Variants in KCNQ5 observed in about 807,000 individuals in gnomAD.
The protein encoded by KCNQ5 is potassium voltage-gated channel subfamily Q member 5, also known as potassium voltage-gated channel subfamily KQT member 5.
KCNQ5 carries 30 observed loss-of-function variants against 98.2 expected under a neutral mutation model. The ratio of observed to expected loss-of-function variants is 0.31; its 90% CI spans 0.23 to 0.41. KCNQ5 has a LOEUF of 0.41. KCNQ5 is among the 10% of genes least tolerant of loss of function. The probability of loss-of-function intolerance (pLI) is 1.00; values close to 1 mark genes in which losing one functional copy is unlikely to be tolerated. For missense variants in KCNQ5, 835 were observed against 1,182.5 expected (o/e 0.71, Z 4.31); for synonymous variants, 458 against 449.4 (o/e 1.02, Z -0.24).
Position 72,735,113 on chromosome 6 carries a change from C to G in KCNQ5, c.398+112526C>G, listed in dbSNP as rs951862261. Among the ~76,000 whole-genome samples the G allele has an allele frequency of 2.6e-5, 4 of 152,128 alleles. No individual in the cohort carries two copies. In the East Asian group the frequency reaches 7.7e-4, roughly 29 times the overall value. ...ACATACTGGAAAAAAATTCAAGATG[C>G]AAGGCTTGCTGTTGGATAACTTGGT... is the stretch of plus-strand genomic sequence containing the variant. On this transcript the variant is annotated intron_variant, in intron 1 of 13. Transcript: ENST00000370398.
intron 1 of KCNQ5, among the ~76,000 whole-genome samples, chr6:72,627,977 G>A (rs2098918844): frequency 1.3e-5 from 2 of 152,180 alleles, no homozygotes; most frequent in Admixed American, 1.3e-4. Context: ...CTCTACCAAT[G>A]TCATTATAAT....
intron 1 of KCNQ5, among the ~76,000 whole-genome samples, chr6:72,986,003 G>A (rs929217193): frequency 2.9e-4 from 44 of 152,162 alleles, no homozygotes; most frequent in Admixed American, 9.2e-4. Context: ...GGCCAAGGCA[G>A]GTGAATCATG....
intron 1 of KCNQ5, among the ~76,000 whole-genome samples, chr6:72,664,392 C>T (rs1582074909): frequency 6.6e-6 from 1 of 151,996 alleles, no homozygotes; most frequent in Admixed American, 6.6e-5. Context: ...GGTGGCTCAT[C>T]CCTGTAATCC....
intron 9 of KCNQ5, among the ~76,000 whole-genome samples, chr6:73,127,873 G>A (rs1456774746): frequency 6.6e-6 from 1 of 152,118 alleles, no homozygotes; most frequent in Non-Finnish European, 1.5e-5. Context: ...GACCAGCCTG[G>A]CCAACATATT....
intron 5 of KCNQ5, among the ~76,000 whole-genome samples, chr6:73,104,659 C>A (rs1384457034): frequency 1.3e-5 from 2 of 152,150 alleles, no homozygotes; most frequent in African/African-American, 4.8e-5. Context: ...GCTCCCTCAA[C>A]ACCTCAAGCT....
chr6:73,096,578 A>G (rs985408136), intron 5 of KCNQ5, among the ~76,000 whole-genome samples: 1 of 152,194 alleles, frequency 6.6e-6, no homozygotes, highest in Non-Finnish European at 1.5e-5. Context: ...TAGCTTTAGC[A>G]TATCTAGTTA....
At chr6:72,953,214 C>G (rs563397274) in intron 1 of KCNQ5, among the ~76,000 whole-genome samples, 1 of 152,340 alleles carries the variant, frequency 6.6e-6, no homozygotes, top group East Asian at 1.9e-4. Flanking sequence ...TCTGGACACA[C>G]ATTTTATCCA....
At chr6:73,106,371 A>G (rs139401426) in intron 6 of KCNQ5, among the ~76,000 whole-genome samples, 1 of 152,314 alleles carries the variant, frequency 6.6e-6, no homozygotes, top group East Asian at 1.9e-4. Context: ...TCTTTGTCAC[A>G]TACTAACTAT....
chr6:73,100,406 C>T (rs1774719332), intron 5 of KCNQ5, among the ~76,000 whole-genome samples: 1 of 152,152 alleles, frequency 6.6e-6, no homozygotes, highest in African/African-American at 2.4e-5. Flanking sequence ...GTGGCTCACG[C>T]CTGTAATCCC....
At chr6:72,709,515 G>A (rs1582149640) in intron 1 of KCNQ5, among the ~76,000 whole-genome samples, 1 of 152,296 alleles carries the variant, frequency 6.6e-6, no homozygotes, top group East Asian at 1.9e-4. Context: ...TGCTTAAACT[G>A]AGGGTATACC....
chr6:72,987,206 GA>G, intron 1 of KCNQ5: 1 of 688,622 alleles, frequency 1.5e-6, no homozygotes, highest in South Asian at 1.4e-5. Flanking sequence ...AGCCGGCTCT[GA>G]AAAGGAAGAA....
At position 72,622,593 on chromosome 6, in the gene KCNQ5, T is replaced by C; in HGVS notation, c.398+6T>C. The C allele has an allele frequency of 6.2e-7, 1 of 1,611,554 alleles. No individual in the cohort carries two copies. The highest frequency in any genetic ancestry group is 8.5e-7 in the Non-Finnish European group (1 of 1,179,110). ...TTCATCTACCACGCTTTCGTGTGAGTACCCGCGCCCCCTGCTATGCCCGCT... is the reference window on the plus strand; with the variant it reads ...TTCATCTACCACGCTTTCGTGTGAGCACCCGCGCCCCCTGCTATGCCCGCT... On this transcript the variant is annotated splice_donor_region_variant and intron_variant, in intron 1 of 13. Coordinates refer to ENST00000370398, the MANE Select transcript of KCNQ5 (RefSeq NM_019842.4). The surrounding 1 kb of genome is among the most constrained non-coding windows in gnomAD (Gnocchi z 6.0).
intron 2 of KCNQ5, among the ~76,000 whole-genome samples, chr6:73,032,676 A>G (rs1033129667): frequency 6.6e-6 from 1 of 152,190 alleles, no homozygotes; most frequent in Non-Finnish European, 1.5e-5. Context: ...AACAGAATAC[A>G]TATCTGGGTC....
intron 1 of KCNQ5, among the ~76,000 whole-genome samples, chr6:72,817,052 A>T (rs1234074040): frequency 1.3e-5 from 2 of 152,204 alleles, no homozygotes. Flanking sequence ...TGTCAATGTG[A>T]GTAAGAATTG....
intron 1 of KCNQ5, among the ~76,000 whole-genome samples, chr6:72,812,355 G>T (rs1775284962): frequency 6.6e-6 from 1 of 152,212 alleles, no homozygotes; most frequent in Non-Finnish European, 1.5e-5. Flanking sequence ...TGGTTTGAAT[G>T]CCTCTGACAC....
intron 1 of KCNQ5, among the ~76,000 whole-genome samples, chr6:72,639,915 A>G (rs1013749138): frequency 5.9e-5 from 9 of 152,134 alleles, no homozygotes; most frequent in Non-Finnish European, 1.2e-4. Context: ...GAGAATAACA[A>G]GATCCTGGAG....
intron 1 of KCNQ5, among the ~76,000 whole-genome samples, chr6:72,655,619 C>G (rs1766150980): frequency 6.6e-6 from 1 of 152,014 alleles, no homozygotes; most frequent in Non-Finnish European, 1.5e-5. Context: ...AATTATTGTC[C>G]TGTTGACTGA....
At chr6:72,732,951 G>A (rs1770631635) in intron 1 of KCNQ5, among the ~76,000 whole-genome samples, 1 of 152,132 alleles carries the variant, frequency 6.6e-6, no homozygotes, top group Non-Finnish European at 1.5e-5. Flanking sequence ...GTCTGTCCTG[G>A]ACAACTATGT....
At chr6:72,929,548 A>G (rs1765597546) in intron 1 of KCNQ5, among the ~76,000 whole-genome samples, 1 of 152,198 alleles carries the variant, frequency 6.6e-6, no homozygotes, top group Non-Finnish European at 1.5e-5. Flanking sequence ...AAAATTGTCA[A>G]TTTATAAGCT....
Sources: gnomAD v4.1 joint callset for allele counts (sites outside exome capture counted in the v4.1 genomes callset) on GRCh38, gnomAD v4.1.1 for gene constraint, Gnocchi (gnomAD v3.1) non-coding constraint, MANE v1.5 for transcripts, NCBI Gene and HGNC (gene_info 2026-07-23, HGNC 2026-07-21) for gene names.